The following MTHFD1L variants were observed in gnomAD, a reference collection of about 807,000 sequenced individuals.
MTHFD1L encodes the protein methylenetetrahydrofolate dehydrogenase (NADP+ dependent) 1 like.
MTHFD1L carries 81 observed loss-of-function variants against 119.5 expected under a neutral mutation model. The ratio of observed to expected loss-of-function variants is 0.68; its 90% confidence interval spans 0.57 to 0.82. MTHFD1L has a LOEUF of 0.82. Among genes scored for constraint, MTHFD1L ranks in the 40% least tolerant of loss-of-function variants. MTHFD1L has a pLI of 0.00. For synonymous variants in MTHFD1L, 430 were observed against 475.2 expected (o/e 0.90, Z 1.24); for missense variants, 1,125 against 1,253.4 (o/e 0.90, Z 1.55).
intron 9 of MTHFD1L, among the ~76,000 whole-genome samples, chr6:150,919,700 A>G (rs938157164): frequency 1.2e-4 from 18 of 152,218 alleles, no homozygotes; most frequent in African/African-American, 4.3e-4. Flanking sequence ...ACCAGATCTC[A>G]TGAGAACTCA....
intron 4 of MTHFD1L, among the ~76,000 whole-genome samples, chr6:150,882,281 G>T (rs111363080): frequency 6.6e-6 from 1 of 152,202 alleles, no homozygotes; most frequent in Non-Finnish European, 1.5e-5. Context: ...CTGCTTGGAC[G>T]TCATGATTAG....
chr6:151,061,196 G>A (rs1199700925), intron 26 of MTHFD1L, among the ~76,000 whole-genome samples: 1 of 152,134 alleles, frequency 6.6e-6, no homozygotes, highest in African/African-American at 2.4e-5. Flanking sequence ...ACAGCACAAG[G>A]ATACAAAGCA....
At chr6:150,920,754 G>T (rs1788757223) in intron 9 of MTHFD1L, among the ~76,000 whole-genome samples, 1 of 151,548 alleles carries the variant, frequency 6.6e-6, no homozygotes, top group Non-Finnish European at 1.5e-5. Context: ...TGTCTTTTGT[G>T]AACACTTAAT....
chr6:150,971,382 A>G (rs919506251), intron 19 of MTHFD1L, among the ~76,000 whole-genome samples: 2 of 152,060 alleles, frequency 1.3e-5, no homozygotes, highest in Non-Finnish European at 2.9e-5. Flanking sequence ...TTGTATTTTT[A>G]GTAGAGACGG....
At chr6:150,880,641 A>G (rs1197514432) in intron 4 of MTHFD1L, among the ~76,000 whole-genome samples, 1 of 152,170 alleles carries the variant, frequency 6.6e-6, no homozygotes, top group Non-Finnish European at 1.5e-5. Context: ...GCTGGGTCAT[A>G]TGGTAGTTGT....
chr6:150,943,403 A>G (rs1179278289), intron 13 of MTHFD1L, among the ~76,000 whole-genome samples: 1 of 152,166 alleles, frequency 6.6e-6, no homozygotes, highest in Non-Finnish European at 1.5e-5. Flanking sequence ...GGCTGAAGCG[A>G]GAGGATCACT....
chr6:150,960,571 A>G (rs1771796), intron 18 of MTHFD1L, among the ~76,000 whole-genome samples, 156 bp downstream of exon 18: 142,469 of 152,292 alleles, frequency 0.94, 66,718 homozygotes, highest in East Asian at 0.97. Context: ...ATGTTTGCCT[A>G]ACTGCTTCCT....
rs9478925 is a variant in MTHFD1L at position 151,040,912 on chromosome 6, C to G, written c.2847+3795C>G. ...CAGGCTGTCCGCTCCTGACGTCACT[C>G]TTTCACTTACGACTTGTTAGAAAAT... On this transcript the variant is annotated intron_variant, in intron 26 of 27. Coordinates refer to ENST00000367321, the MANE Select transcript of MTHFD1L (RefSeq NM_015440.5). 7.9e-3 allele frequency among the ~76,000 whole-genome samples: 1,201 copies of G among 152,330 alleles called. 16 individuals are homozygous for G. The highest frequency in any genetic ancestry group is 0.027 in the African/African-American group (1,134 of 41,570).
At chr6:151,012,000 TCAACAA>T (rs773521876) in intron 21 of MTHFD1L, among the ~76,000 whole-genome samples, 3 of 63,724 alleles carry the variant, frequency 4.7e-5, no homozygotes, top group Non-Finnish European at 7.7e-5. Context: ...AAAGTCCATC[TCAACAA>T]CAACAACAAC....
At chr6:150,974,724 CTT>C (rs58490721) in intron 20 of MTHFD1L, among the ~76,000 whole-genome samples, 1,886 of 144,582 alleles carry the variant, frequency 0.013, 7 homozygotes, top group South Asian at 0.033. Context: ...AATTCTCTTC[CTT>C]TTTTTTTTTT....
intron 24 of MTHFD1L, chr6:151,021,930 C>G: frequency 4.5e-6 from 2 of 447,142 alleles, no homozygotes; most frequent in East Asian, 1.5e-4. Context: ...TCTCTGTATC[C>G]TTCCTCTAGC....
intron 12 of MTHFD1L, among the ~76,000 whole-genome samples, chr6:150,938,205 A>T (rs937204622): frequency 9.2e-5 from 14 of 151,940 alleles, no homozygotes; most frequent in Non-Finnish European, 1.9e-4. Context: ...TTTAATAGAG[A>T]TAGGGTTTCA....
intron 12 of MTHFD1L, among the ~76,000 whole-genome samples, chr6:150,937,816 G>A (rs1792368421): frequency 6.6e-6 from 1 of 152,144 alleles, no homozygotes; most frequent in Non-Finnish European, 1.5e-5. Context: ...AAATGAGAAA[G>A]CACGTAAAGA....
intron 24 of MTHFD1L, among the ~76,000 whole-genome samples, chr6:151,032,908 G>A (rs1024951408): frequency 6.6e-6 from 1 of 152,140 alleles, no homozygotes; most frequent in African/African-American, 2.4e-5. Context: ...AGGGTTGGGA[G>A]GGGAAGAGTG....
chr6:150,897,810 T>G (rs1784487011), intron 7 of MTHFD1L, among the ~76,000 whole-genome samples: 1 of 152,118 alleles, frequency 6.6e-6, no homozygotes, highest in African/African-American at 2.4e-5. Context: ...CCCTCTCCAA[T>G]GTGAATGCTT....
intron 26 of MTHFD1L, among the ~76,000 whole-genome samples, chr6:151,067,949 C>T (rs1791516373): frequency 1.3e-5 from 2 of 152,216 alleles, no homozygotes; most frequent in Non-Finnish European, 1.5e-5. Flanking sequence ...TGCATGTAAA[C>T]AGAGGGTGGT....
intron 8 of MTHFD1L, chr6:150,912,692 T>A (rs540376010): frequency 1.9e-6 from 1 of 515,266 alleles, no homozygotes; most frequent in African/African-American, 1.9e-5. Context: ...ATTAGAAGAA[T>A]GGCCATCTTT....
intron 26 of MTHFD1L, among the ~76,000 whole-genome samples, chr6:151,071,587 G>A (rs1034312483): frequency 1.3e-5 from 2 of 151,970 alleles, no homozygotes; most frequent in South Asian, 4.2e-4. Flanking sequence ...GGCCACTCGT[G>A]TCAGTAGCAA....
intron 20 of MTHFD1L, among the ~76,000 whole-genome samples, chr6:150,993,392 C>G (rs374092932): frequency 1.3e-5 from 2 of 151,740 alleles, no homozygotes; most frequent in African/African-American, 4.8e-5. Context: ...GTGATCTCGG[C>G]GCACCACAGC....
Sources: allele counts gnomAD v4.1 joint callset (sites outside exome capture counted in the v4.1 genomes callset), GRCh38; gene constraint gnomAD v4.1.1; transcripts MANE v1.5; gene names NCBI Gene and HGNC (gene_info 2026-07-23, HGNC 2026-07-21).